The following UAP1 variants were observed in gnomAD, a reference collection of about 807,000 sequenced individuals.
The protein encoded by UAP1 is UDP-N-acetylglucosamine pyrophosphorylase 1.
UAP1 carries 25 observed loss-of-function variants against 58.5 expected under a neutral mutation model. The observed-to-expected ratio is 0.43, with a 90% confidence interval of 0.31 to 0.60. The LOEUF (loss-of-function observed/expected upper bound fraction) is 0.60, where lower values mean the gene tolerates loss of function less well. UAP1 is among the 20% of genes least tolerant of loss of function. The pLI, the probability that UAP1 is intolerant of heterozygous loss-of-function variation, is 0.11. For missense variants in UAP1, 575 were observed against 630.0 expected, an observed-to-expected ratio of 0.91 and a Z score of 0.93; for synonymous variants, 208 against 213.0, an observed-to-expected ratio of 0.98 and a Z score of 0.21.
chr1:162,567,641 GAATGAGAACTTGGGCA>G (rs1443598311), intron 2 of UAP1, among the ~76,000 whole-genome samples: 1 of 152,158 alleles, frequency 6.6e-6, no homozygotes, highest in Non-Finnish European at 1.5e-5. Context: ...TCTCAACTGT[GAATGAGAACTTGGGCA>G]AATACTTTCC....
chr1:162,592,025 C>T (rs988858463), intron 8 of UAP1, among the ~76,000 whole-genome samples: 2 of 152,166 alleles, frequency 1.3e-5, no homozygotes, highest in South Asian at 4.1e-4. Flanking sequence ...TATATCCGTA[C>T]TTATGTAAAA....
chr1:162,566,125 A>G (rs547062175), exon 2 of UAP1: 4 of 1,613,236 alleles, frequency 2.5e-6, no homozygotes, highest in Non-Finnish European at 2.5e-6. Flanking sequence ...AGCACCTACT[A>G]CGTTTCTGGA....
intron 2 of UAP1, 143 bp from the exon 3 acceptor site, chr1:162,576,634 C>T (rs1654198767): frequency 1.4e-5 from 10 of 732,564 alleles, no homozygotes; most frequent in Non-Finnish European, 6.6e-6. Context: ...CTAGCCTGTA[C>T]CCAAAATCAG....
chr1:162,589,269 T>G (rs1237102662), intron 7 of UAP1, among the ~76,000 whole-genome samples: 2 of 130,088 alleles, frequency 1.5e-5, no homozygotes, highest in Non-Finnish European at 3.1e-5. Context: ...ATATATTTAT[T>G]TATAATATAT....
At chr1:162,592,998 C>T in intron 9 of UAP1, 1 of 548,950 alleles carries the variant, frequency 1.8e-6, no homozygotes, top group Non-Finnish European at 3.3e-6. Flanking sequence ...GCATGCTTTA[C>T]TAAAGAATCT....
rs751573998 is a variant in UAP1 at position 162,570,562 on chromosome 1, G to A, written c.280+4214G>A. Among the ~76,000 whole-genome samples the A allele has an allele frequency of 1.8e-4, 27 of 151,824 alleles. No homozygotes were observed. In the East Asian group the frequency reaches 2.7e-3, roughly 15 times the overall value. Reference sequence around the variant, plus strand: ...TTTGGTATCTATGTCTAAATATATGGGTGTTTTCTTACTAATCACATGCCA... The same window carrying A: ...TTTGGTATCTATGTCTAAATATATGAGTGTTTTCTTACTAATCACATGCCA... On this transcript the variant is annotated intron_variant, in intron 2 of 10. Transcript: ENST00000271469.
intron 5 of UAP1, among the ~76,000 whole-genome samples, chr1:162,582,752 CTG>C (rs1654665628): frequency 6.6e-6 from 1 of 152,076 alleles, no homozygotes; most frequent in African/African-American, 2.4e-5. Context: ...TTTGAAATAT[CTG>C]TATTTAAAAA....
intron 1 of UAP1, among the ~76,000 whole-genome samples, chr1:162,563,616 G>A (rs1219924160): frequency 1.3e-5 from 2 of 152,116 alleles, no homozygotes; most frequent in Non-Finnish European, 2.9e-5. Context: ...GCCCGCCTCG[G>A]CCTCCCAAAG....
chr1:162,571,264 G>T (rs1325117792), intron 2 of UAP1, among the ~76,000 whole-genome samples: 1 of 151,940 alleles, frequency 6.6e-6, no homozygotes, highest in East Asian at 1.9e-4. Context: ...CAGTAGCTGA[G>T]ATTATAGGCG....
At chr1:162,598,010 A>G in intron 10 of UAP1, 152 bp downstream of exon 10, 1 of 642,764 alleles carries the variant, frequency 1.6e-6, no homozygotes, top group Non-Finnish European at 2.7e-6. Flanking sequence ...ATTATTCGAC[A>G]GTGTATATAT....
chr1:162,598,981 C>T (rs1655776540), intron 10 of UAP1, among the ~76,000 whole-genome samples: 1 of 151,212 alleles, frequency 6.6e-6, no homozygotes, highest in Admixed American at 6.6e-5. Flanking sequence ...TGAGACTACT[C>T]CGTCTCAAAA....
At chr1:162,592,859 G>A (rs12047055) in intron 9 of UAP1, 77 bp downstream of exon 9, 1 of 1,336,474 alleles carries the variant, frequency 7.5e-7, no homozygotes, top group Non-Finnish European at 1.0e-6. Context: ...TCGTAGTTTA[G>A]TGCTCTGCCT....
At chr1:162,592,648 A>T in intron 8 of UAP1, 84 bp from the exon 9 acceptor site, 1 of 1,002,624 alleles carries the variant, frequency 1.0e-6, no homozygotes, top group Non-Finnish European at 1.5e-6. Flanking sequence ...CATACCATTC[A>T]ATCAAGTATA....
exon 2 of UAP1, chr1:162,566,035 C>A: frequency 6.3e-7 from 1 of 1,594,868 alleles, no homozygotes; most frequent in South Asian, 1.1e-5. Flanking sequence ...TACATTACAC[C>A]CCTATTTCTA....
At chr1:162,566,484 G>A (rs749558593) in intron 2 of UAP1, 136 bp downstream of exon 2, 3 of 920,254 alleles carry the variant, frequency 3.3e-6, no homozygotes, top group Non-Finnish European at 4.7e-6. Context: ...TGACAAAATT[G>A]TCTTTTTATT....
At chr1:162,594,554 C>T (rs1316922340) in intron 9 of UAP1, among the ~76,000 whole-genome samples, 4 of 152,180 alleles carry the variant, frequency 2.6e-5, no homozygotes, top group East Asian at 1.9e-4. Flanking sequence ...GCCTTGGGAA[C>T]TGGGATGCAG....
At chr1:162,575,196 G>T (rs1654097394) in intron 2 of UAP1, among the ~76,000 whole-genome samples, 1 of 152,166 alleles carries the variant, frequency 6.6e-6, no homozygotes, top group Non-Finnish European at 1.5e-5. Flanking sequence ...AGCCTCCTGA[G>T]TAGCTGGGAT....
Position 162,588,852 on chromosome 1 carries a change from C to T in UAP1, c.1169+19C>T. 6.3e-7 allele frequency: 1 copy of T among 1,591,510 alleles called. No homozygotes were observed. The highest frequency in any genetic ancestry group is 8.5e-7 in the Non-Finnish European group (1 of 1,170,996). ...TTGCAAAGTATGCTTTGAATAGTAC[C>T]AATAAGGTTAAATAAATGTCTTAAA... On this transcript the variant is annotated intron_variant, in intron 7 of 10. Coordinates refer to ENST00000271469, the Ensembl canonical transcript of UAP1.
At chr1:162,599,390 G>C (rs375854836) in exon 11 of UAP1, 5 of 1,472,362 alleles carry the variant, frequency 3.4e-6, no homozygotes, top group Non-Finnish European at 4.7e-6. Flanking sequence ...TGTTTGCCAC[G>C]ATAGGAATAG....
Sources: gnomAD v4.1 joint callset for allele counts (sites outside exome capture counted in the v4.1 genomes callset) on GRCh38, gnomAD v4.1.1 for gene constraint, MANE v1.5 for transcripts, NCBI Gene and HGNC (gene_info 2026-07-23, HGNC 2026-07-21) for gene names.